Variants in SAXO4 observed in about 807,000 individuals in gnomAD.
SAXO4 encodes the protein protein phosphatase 1 regulatory subunit 32.
At chr11:61,490,300 T>C in the SAXO4 span, among the ~76,000 whole-genome samples, 1 of 152,194 alleles carries the variant, frequency 6.6e-6, no homozygotes, top group Admixed American at 6.5e-5. Flanking sequence ...ACTCAGCTCC[T>C]TTCTGCTCAA....
chr11:61,485,909 C>T, the SAXO4 span: 16 of 1,610,904 alleles, frequency 9.9e-6, no homozygotes, highest in Non-Finnish European at 1.2e-5. Context: ...CCCTGGGGAC[C>T]CTGTAAGTCG....
the SAXO4 span, chr11:61,486,895 C>A: frequency 6.8e-7 from 1 of 1,465,210 alleles, no homozygotes; most frequent in Non-Finnish European, 9.6e-7. Context: ...TCCATCCCTG[C>A]TGCCTCAGGC....
the SAXO4 span, among the ~76,000 whole-genome samples, chr11:61,483,226 G>T: frequency 2.0e-4 from 29 of 147,738 alleles, no homozygotes; most frequent in Non-Finnish European, 4.3e-4. Context: ...GAGTGCAGTG[G>T]CACGATCTCG....
At chr11:61,484,131 T>G in the SAXO4 span, among the ~76,000 whole-genome samples, 2 of 152,116 alleles carry the variant, frequency 1.3e-5, no homozygotes, top group South Asian at 4.1e-4. Context: ...TAGTCCCAGC[T>G]ACTTGGGAGG....
the SAXO4 span, chr11:61,482,490 T>C: frequency 7.1e-5 from 112 of 1,567,960 alleles, no homozygotes; most frequent in South Asian, 1.2e-3. Flanking sequence ...TCCAGGTTCC[T>C]TGGATGGGGA....
At chr11:61,488,301 C>CTTT in the SAXO4 span, among the ~76,000 whole-genome samples, 32 of 107,390 alleles carry the variant, frequency 3.0e-4, 1 homozygote, top group African/African-American at 9.2e-4. Flanking sequence ...AGTACAATTC[C>CTTT]TTTTTTTTTT....
chr11:61,485,189 A>G, the SAXO4 span: 1 of 660,558 alleles, frequency 1.5e-6, no homozygotes, highest in South Asian at 1.9e-5. Context: ...GCGATGTCCC[A>G]CCCCACAGAG....
chr11:61,486,978 G>T, the SAXO4 span: 13 of 1,614,008 alleles, frequency 8.1e-6, no homozygotes, highest in Non-Finnish European at 1.1e-5. Context: ...ACCCAGCAGC[G>T]TGAGTCACCA....
At chr11:61,490,454 G>T in the SAXO4 span, 18 of 1,533,386 alleles carry the variant, frequency 1.2e-5, no homozygotes, top group East Asian at 2.2e-5. Flanking sequence ...CAAGGTCCAT[G>T]CCCTGCCTGC....
chr11:61,485,709 C>G, the SAXO4 span: 1 of 989,014 alleles, frequency 1.0e-6, no homozygotes, highest in Non-Finnish European at 1.6e-6. Flanking sequence ...TTGGGATCCA[C>G]TCCCTCTGCA....
chr11:61,488,537 C>T, the SAXO4 span, among the ~76,000 whole-genome samples: 1 of 152,086 alleles, frequency 6.6e-6, no homozygotes, highest in African/African-American at 2.4e-5. Context: ...ATCTCCTGAC[C>T]TCGTGATCTG....
At chr11:61,488,301 CT>C in the SAXO4 span, among the ~76,000 whole-genome samples, 2,697 of 107,342 alleles carry the variant, frequency 0.025, 71 homozygotes, top group African/African-American at 0.073. Context: ...AGTACAATTC[CT>C]TTTTTTTTTT....
At chr11:61,490,705 G>T in the SAXO4 span, 5 of 845,654 alleles carry the variant, frequency 5.9e-6, no homozygotes, top group Admixed American at 2.0e-5. Flanking sequence ...CCTTCCAAGT[G>T]GGGGGTGACA....
At chr11:61,490,398 C>A in the SAXO4 span, 2 of 1,076,492 alleles carry the variant, frequency 1.9e-6, no homozygotes, top group African/African-American at 1.5e-5. Context: ...CCTGGCTGAA[C>A]CCTGGCTATG....
chr11:61,487,433 A>T, the SAXO4 span, among the ~76,000 whole-genome samples: 1 of 152,118 alleles, frequency 6.6e-6, no homozygotes, highest in South Asian at 2.1e-4. Context: ...GGGAGTGGAG[A>T]AGAGGGATGA....
the SAXO4 span, chr11:61,486,000 C>A: frequency 5.5e-6 from 5 of 913,826 alleles, no homozygotes; most frequent in South Asian, 1.6e-5. Context: ...ATGTGAGCTG[C>A]AGAGCCCTTT....
chr11:61,481,866 G>T, the SAXO4 span: 1 of 1,567,732 alleles, frequency 6.4e-7, no homozygotes, highest in African/African-American at 1.4e-5. Flanking sequence ...TGAGTTCGGG[G>T]GGCTACACGG....
the SAXO4 span, chr11:61,484,856 A>AGGG: frequency 2.4e-5 from 37 of 1,526,260 alleles, 1 homozygote; most frequent in Admixed American, 7.6e-4. Flanking sequence ...GGTGGGGCAG[A>AGGG]GGGGCCACAC....
chr11:61,485,748 C>A, the SAXO4 span: 1 of 1,410,900 alleles, frequency 7.1e-7, no homozygotes, highest in South Asian at 1.2e-5. Flanking sequence ...CTCTGGAGGA[C>A]ACATGGGTGG....
Sources: gnomAD v4.1 joint callset for allele counts (sites outside exome capture counted in the v4.1 genomes callset) on GRCh38, gnomAD v4.1.1 for gene constraint, MANE v1.5 for transcripts, NCBI Gene and HGNC (gene_info 2026-07-23, HGNC 2026-07-21) for gene names.